SEC11A: variants seen among roughly 807,000 people sequenced by gnomAD.
The protein encoded by SEC11A is signal peptidase complex catalytic subunit SEC11A.
Under a neutral mutation model 25.6 loss-of-function variants are expected in SEC11A, and 14 were observed. The ratio of observed to expected loss-of-function variants is 0.55; its 90% CI spans 0.36 to 0.85. The LOEUF is 0.85. Ranked by LOEUF, SEC11A falls within the 40% of genes least tolerant of loss-of-function variation. SEC11A has a pLI of 0.01. For synonymous variants in SEC11A, 83 were observed against 76.4 expected (o/e 1.09, Z -0.45); for missense variants, 153 against 222.9 (o/e 0.69, Z 2.00).
chr15:84,687,911 G>A, intron 2 of SEC11A, 137 bp from the exon 3 acceptor site: 2 of 737,090 alleles, frequency 2.7e-6, no homozygotes, highest in Admixed American at 7.5e-5. Context: ...CAACAGAAAT[G>A]TGTATTGTTC....
chr15:84,674,167 C>G (rs1473127805), intron 4 of SEC11A, among the ~76,000 whole-genome samples: 4 of 151,622 alleles, frequency 2.6e-5, no homozygotes, highest in Non-Finnish European at 2.9e-5. Context: ...TAAAGAATGG[C>G]ACGGCTAAGC....
In SEC11A at chr15:84,716,034, G is replaced by A. The variant is rs1253753431; in HGVS notation, c.42C>T (p.Asn14=). ...GGACGGACAAGCTCACCTGCCGCTT[G>A]TTCATCCGCCGCACATCGTCCAAAA... ...LDFLDDVRRM[N]KRQLYYQVLN... Residue 14 remains asparagine, a synonymous_variant, in exon 1 of 6, where the codon AAC becomes AAT. Transcript: ENST00000268220. The A allele has an allele frequency of 2.5e-6, 4 of 1,613,504 alleles. No homozygotes were observed. In the Admixed American group the frequency reaches 6.7e-5, roughly 27 times the overall value.
At chr15:84,675,452 T>C (rs868691094) in intron 4 of SEC11A, among the ~76,000 whole-genome samples, 28 of 152,204 alleles carry the variant, frequency 1.8e-4, no homozygotes, top group African/African-American at 6.8e-4. Context: ...AAGGGGTCTA[T>C]ATCTGGGAAG....
chr15:84,680,663 C>G (rs1897263604), intron 4 of SEC11A, 50 bp downstream of exon 4: 1 of 1,507,466 alleles, frequency 6.6e-7, no homozygotes, highest in South Asian at 1.3e-5. Context: ...ATTGAGAGGG[C>G]CACACTTCAA....
chr15:84,707,339 C>A (rs942796676), intron 1 of SEC11A, among the ~76,000 whole-genome samples: 1 of 151,940 alleles, frequency 6.6e-6, no homozygotes, highest in African/African-American at 2.4e-5. Flanking sequence ...GCATGCGCCA[C>A]CAGGCTCAGC....
At position 84,678,107 on chromosome 15, in the gene SEC11A, G is replaced by C. The variant is rs374549351; in HGVS notation, c.431+2606C>G. On this transcript the variant is annotated intron_variant, in intron 4 of 5. Transcript: ENST00000268220. ...AACTACTTGGGTGGCTGAGACATGA[G>C]AATCATTTGAACCTGAGAGGCAGAG... Among the ~76,000 whole-genome samples, 8 of 151,484 alleles carry C rather than the reference G, an allele frequency of 5.3e-5. No individual in the cohort carries two copies. In the East Asian group the frequency reaches 5.8e-4, roughly 11 times the overall value.
intron 1 of SEC11A, among the ~76,000 whole-genome samples, chr15:84,692,435 A>C (rs1454012778): frequency 6.6e-6 from 1 of 152,184 alleles, no homozygotes; most frequent in Admixed American, 6.6e-5. Context: ...TGTCTCGAAA[A>C]GAGGAGACTT....
At position 84,694,454 on chromosome 15, in the gene SEC11A, T is replaced by A. The variant is rs112315100; in HGVS notation, c.52-2810A>T. 3.5e-3 allele frequency among the ~76,000 whole-genome samples: 526 copies of A among 152,294 alleles called. 5 individuals carry two copies. The highest frequency in any genetic ancestry group is 0.012 in the African/African-American group (514 of 41,564). The stretch of plus-strand genomic sequence containing the variant: ...TTTCATTTTGATCATCTACATTTTC[T>A]ACTTCCCTTTTTAAATCAATTGTTA... On this transcript the variant is annotated intron_variant, in intron 1 of 5. Coordinates refer to ENST00000268220, the MANE Select transcript of SEC11A (RefSeq NM_014300.4).
At chr15:84,707,146 CT>C in intron 1 of SEC11A, among the ~76,000 whole-genome samples, 1 of 148,012 alleles carries the variant, frequency 6.8e-6, no homozygotes, top group East Asian at 2.0e-4. Flanking sequence ...CTTTTAGACT[CT>C]TACTTATCCA....
chr15:84,681,870 G>A (rs767062638), intron 3 of SEC11A, among the ~76,000 whole-genome samples: 3 of 152,090 alleles, frequency 2.0e-5, no homozygotes, highest in Non-Finnish European at 4.4e-5. Context: ...CTTGAGCCCA[G>A]GAGTTCAAGA....
At chr15:84,670,643 G>T in intron 5 of SEC11A, 82 bp downstream of exon 5, 1 of 691,040 alleles carries the variant, frequency 1.4e-6, no homozygotes, top group Non-Finnish European at 2.5e-6. Flanking sequence ...GCCTCCCAGA[G>T]TGCTGGGATT....
At chr15:84,702,267 C>A (rs1316108837) in intron 1 of SEC11A, among the ~76,000 whole-genome samples, 1 of 151,358 alleles carries the variant, frequency 6.6e-6, no homozygotes, top group Non-Finnish European at 1.5e-5. Context: ...TTGAGACCAG[C>A]CTGGCCAACA....
chr15:84,676,949 G>A (rs573099559), intron 4 of SEC11A, among the ~76,000 whole-genome samples: 8 of 152,150 alleles, frequency 5.3e-5, no homozygotes, highest in African/African-American at 1.4e-4. Flanking sequence ...AAATTAGCCA[G>A]GTGTGATAGC....
chr15:84,680,787 C>A lies in SEC11A; in HGVS notation c.357G>T (p.Ala119=). The change falls in exon 4 of 6, where the codon GCG becomes GCT. Residue 119 remains alanine (A), a synonymous_variant. Coordinates refer to ENST00000268220, the MANE Select transcript of SEC11A (RefSeq NM_014300.4). ...IKFLTKGDNN[A]VDDRGLYKQG... The stretch of plus-strand genomic sequence containing the variant: ...GTTTATAGAGGCCTCGGTCATCAAC[C>A]GCATTATTATCTCCTTTGGTCAAAA... 1.2e-6 allele frequency: 2 copies of A among 1,611,670 alleles called. No homozygotes were observed. Among genetic ancestry groups the A allele is most frequent in the Non-Finnish European group, 1.7e-6 (2 of 1,178,308 alleles).
intron 1 of SEC11A, among the ~76,000 whole-genome samples, chr15:84,711,713 G>C (rs543345282): frequency 1.6e-4 from 23 of 147,352 alleles, no homozygotes; most frequent in Non-Finnish European, 2.5e-4. Flanking sequence ...CAGCTACTTG[G>C]TTGCGGTGAG....
At chr15:84,694,999 A>T (rs1283140333) in intron 1 of SEC11A, among the ~76,000 whole-genome samples, 1 of 143,216 alleles carries the variant, frequency 7.0e-6, no homozygotes, top group East Asian at 2.3e-4. Context: ...CTGAGGCAGG[A>T]GAATTGCTTG....
chr15:84,712,449 CT>C (rs150374364), intron 1 of SEC11A, among the ~76,000 whole-genome samples: 62,568 of 130,036 alleles, frequency 0.48, 14,647 homozygotes, highest in East Asian at 0.75. Flanking sequence ...TCTTTTTTTT[CT>C]TTTTTTTTTT....
rs1897114293 is a variant in SEC11A, at chr15:84,675,651, T to A, written c.432-4869A>T. Among the ~76,000 whole-genome samples the A allele has an allele frequency of 2.0e-5, 3 of 152,202 alleles. No individual in the cohort carries two copies. In the South Asian group the frequency reaches 6.2e-4, roughly 32 times the overall value. ...TTCCTTATATATTTTTAATTCTTCTTTCCATTTTCAACATTTCTGTTCCCC... is the reference window on the plus strand; with the variant it reads ...TTCCTTATATATTTTTAATTCTTCTATCCATTTTCAACATTTCTGTTCCCC... On this transcript the variant is annotated intron_variant, in intron 4 of 5. Transcript: ENST00000268220.
At chr15:84,688,852 G>A (rs966032184) in intron 2 of SEC11A, among the ~76,000 whole-genome samples, 7 of 152,068 alleles carry the variant, frequency 4.6e-5, no homozygotes, top group African/African-American at 1.7e-4. Flanking sequence ...TCAACACAGT[G>A]AAACCCAGTC....
Sources: allele counts gnomAD v4.1 joint callset (sites outside exome capture counted in the v4.1 genomes callset), GRCh38; gene constraint gnomAD v4.1.1; transcripts MANE v1.5; gene names NCBI Gene and HGNC (gene_info 2026-07-23, HGNC 2026-07-21).